FMN2: variants seen among roughly 807,000 people sequenced by gnomAD.
The protein encoded by FMN2 is formin 2.
FMN2 carries 51 observed loss-of-function variants against 142.3 expected under a neutral mutation model. The observed-to-expected ratio is 0.36, with a 90% CI of 0.29 to 0.45. FMN2 has a LOEUF of 0.45. Among genes scored for constraint, FMN2 ranks in the 20% least tolerant of loss-of-function variants. The probability of loss-of-function intolerance (pLI) is 1.00; values close to 1 mark genes in which losing one functional copy is unlikely to be tolerated. For synonymous variants in FMN2, 882 were observed against 869.8 expected, an observed-to-expected ratio of 1.01 and a Z score of -0.25; for missense variants, 1,936 against 2,122.8, an observed-to-expected ratio of 0.91 and a Z score of 1.73.
chr1:240,196,337 G>T (rs1216393713), intron 4 of FMN2, among the ~76,000 whole-genome samples: 1 of 152,146 alleles, frequency 6.6e-6, no homozygotes. Context: ...TGGCAACCAA[G>T]AATTGAAATG....
chr1:240,297,673 A>G (rs1218499754), intron 8 of FMN2, among the ~76,000 whole-genome samples: 2 of 152,102 alleles, frequency 1.3e-5, no homozygotes, highest in African/African-American at 4.8e-5. Context: ...CACAAAATAT[A>G]AATTTATGAC....
intron 14 of FMN2, among the ~76,000 whole-genome samples, chr1:240,375,680 C>A (rs927611657): frequency 1.3e-5 from 2 of 152,170 alleles, no homozygotes; most frequent in Non-Finnish European, 2.9e-5. Flanking sequence ...TACTTTCTAT[C>A]CACATTATCA....
chr1:240,250,220 T>C (rs2102883815), intron 6 of FMN2, among the ~76,000 whole-genome samples: 1 of 152,264 alleles, frequency 6.6e-6, no homozygotes, highest in East Asian at 1.9e-4. Context: ...TGATGTTAGC[T>C]GTGGGTTTGC....
intron 14 of FMN2, among the ~76,000 whole-genome samples, chr1:240,376,157 A>G (rs986399640): frequency 7.9e-5 from 12 of 151,974 alleles, no homozygotes; most frequent in African/African-American, 2.7e-4. Flanking sequence ...TATTATGGCT[A>G]GTGTTTACAT....
chr1:240,461,224 A>G (rs1676439579), intron 16 of FMN2, among the ~76,000 whole-genome samples: 1 of 152,202 alleles, frequency 6.6e-6, no homozygotes. Context: ...TTGAACTACT[A>G]CAAGTCTGCC....
chr1:240,137,326 T>C (rs968802121), intron 2 of FMN2, among the ~76,000 whole-genome samples: 32 of 152,192 alleles, frequency 2.1e-4, no homozygotes, highest in African/African-American at 7.7e-4. Context: ...TTTTAGGCTT[T>C]AGTAAATATT....
At chr1:240,241,970 C>T (rs1299693235) in intron 6 of FMN2, among the ~76,000 whole-genome samples, 2 of 151,760 alleles carry the variant, frequency 1.3e-5, no homozygotes, top group African/African-American at 4.8e-5. Flanking sequence ...CTCAGCCTCC[C>T]GAGTAACTGG....
intron 2 of FMN2, among the ~76,000 whole-genome samples, chr1:240,168,806 C>T (rs1664584967): frequency 2.0e-5 from 3 of 152,152 alleles, no homozygotes; most frequent in Admixed American, 2.0e-4. Flanking sequence ...ATTCCAGAAT[C>T]TCCAAACATG....
At chr1:240,437,918 C>A in intron 15 of FMN2, 143 bp from the exon 16 acceptor site, 1 of 968,594 alleles carries the variant, frequency 1.0e-6, no homozygotes, top group Non-Finnish European at 1.5e-6. Context: ...CATAAGAGAG[C>A]TACTGTTGGT....
intron 6 of FMN2, among the ~76,000 whole-genome samples, chr1:240,213,888 A>C (rs916218882): frequency 6.6e-6 from 1 of 152,244 alleles, no homozygotes; most frequent in Non-Finnish European, 1.5e-5. Context: ...CAGTGTGATA[A>C]TAGAAGATTC....
At chr1:240,320,335 TGTAA>T (rs1341820197) in intron 8 of FMN2, among the ~76,000 whole-genome samples, 1 of 152,184 alleles carries the variant, frequency 6.6e-6, no homozygotes, top group African/African-American at 2.4e-5. Flanking sequence ...TTAATTAATG[TGTAA>T]GTGTGTAGCC....
intron 2 of FMN2, among the ~76,000 whole-genome samples, chr1:240,154,107 C>CAAAAA (rs3047182): frequency 9.0e-5 from 5 of 55,282 alleles, no homozygotes; most frequent in African/African-American, 2.0e-4. Context: ...GAGATTCCAT[C>CAAAAA]AAAAAAAAAA....
chr1:240,101,905 T>C (rs977426301), intron 1 of FMN2, among the ~76,000 whole-genome samples: 4 of 152,156 alleles, frequency 2.6e-5, no homozygotes, highest in Admixed American at 2.0e-4. Flanking sequence ...GGCTTTCTAA[T>C]ATTGGCACAA....
At chr1:240,280,835 A>G (rs979760667) in intron 7 of FMN2, among the ~76,000 whole-genome samples, 1 of 152,138 alleles carries the variant, frequency 6.6e-6, no homozygotes, top group African/African-American at 2.4e-5. Flanking sequence ...AATCTTATCT[A>G]AACAGTTGAG....
chr1:240,465,706 A>G (rs1036440907), intron 16 of FMN2, among the ~76,000 whole-genome samples: 4 of 152,184 alleles, frequency 2.6e-5, no homozygotes, highest in Non-Finnish European at 4.4e-5. Flanking sequence ...AGACCAAGCT[A>G]TTAATGTTTA....
intron 8 of FMN2, among the ~76,000 whole-genome samples, chr1:240,313,735 A>G (rs1670669477): frequency 6.6e-6 from 1 of 152,176 alleles, no homozygotes; most frequent in Non-Finnish European, 1.5e-5. Context: ...TGGGAGGCTG[A>G]GGCAGGTGGA....
At chr1:240,246,802 C>T (rs572134534) in intron 6 of FMN2, among the ~76,000 whole-genome samples, 19 of 152,246 alleles carry the variant, frequency 1.2e-4, no homozygotes, top group African/African-American at 2.6e-4. Flanking sequence ...TATTAAGAGA[C>T]GTGACATTAA....
At chr1:240,262,654 A>G (rs1668669012) in intron 7 of FMN2, among the ~76,000 whole-genome samples, 1 of 152,162 alleles carries the variant, frequency 6.6e-6, no homozygotes, top group Admixed American at 6.5e-5. Flanking sequence ...TTATCCCCCA[A>G]CAATGTCACG....
chr1:240,367,201 C>T (rs1416597886), intron 14 of FMN2, among the ~76,000 whole-genome samples: 1 of 152,110 alleles, frequency 6.6e-6, no homozygotes, highest in African/African-American at 2.4e-5. Context: ...CATGTGTTTT[C>T]ACACATTTAT....
Sources: gnomAD v4.1 joint callset for allele counts (sites outside exome capture counted in the v4.1 genomes callset) on GRCh38, gnomAD v4.1.1 for gene constraint, MANE v1.5 for transcripts, NCBI Gene and HGNC (gene_info 2026-07-23, HGNC 2026-07-21) for gene names.